Variants in RNFT2 observed in about 807,000 individuals in gnomAD.
RNFT2 encodes E3 ubiquitin-protein ligase RNFT2.
In RNFT2, 36 loss-of-function variants were observed where a neutral mutation model predicts 53.0. The ratio of observed to expected loss-of-function variants is 0.68; its 90% CI spans 0.52 to 0.90. RNFT2 has a LOEUF of 0.90. Ranked by LOEUF, RNFT2 falls within the 40% of genes least tolerant of loss-of-function variation. The pLI, the probability that RNFT2 is intolerant of heterozygous loss-of-function variation, is 0.00. For synonymous variants in RNFT2, 260 were observed against 253.2 expected, an observed-to-expected ratio of 1.03 and a Z score of -0.26; for missense variants, 514 against 585.6, an observed-to-expected ratio of 0.88 and a Z score of 1.26.
intron 10 of RNFT2, among the ~76,000 whole-genome samples, chr12:116,842,244 A>G (rs1167149660): frequency 6.6e-6 from 1 of 151,948 alleles, no homozygotes; most frequent in African/African-American, 2.4e-5. Context: ...TAATCCCAGA[A>G]GGGACACCCC....
At chr12:116,761,428 G>A (rs1051190410) in intron 5 of RNFT2, among the ~76,000 whole-genome samples, 33 of 152,278 alleles carry the variant, frequency 2.2e-4, no homozygotes, top group African/African-American at 6.5e-4. Context: ...GTTTACAGGC[G>A]TGAGCCACCA....
intron 7 of RNFT2, among the ~76,000 whole-genome samples, chr12:116,806,428 A>AGATT (rs1555207597): frequency 1.5e-4 from 23 of 151,460 alleles, no homozygotes; most frequent in African/African-American, 1.9e-4. Context: ...ATAGATAGAT[A>AGATT]GATTCATCTA....
At chr12:116,814,738 G>A (rs866549532) in intron 7 of RNFT2, among the ~76,000 whole-genome samples, 1 of 151,986 alleles carries the variant, frequency 6.6e-6, no homozygotes, top group Non-Finnish European at 1.5e-5. Context: ...GTGTGCAGTG[G>A]TGCAATCTCG....
intron 7 of RNFT2, among the ~76,000 whole-genome samples, chr12:116,801,836 T>G (rs7960629): frequency 0.035 from 5,263 of 149,866 alleles, 301 homozygotes; most frequent in African/African-American, 0.12. Context: ...TTGTTTGTTT[T>G]TTTGAGACAG....
chr12:116,757,799 G>A (rs773875655), intron 5 of RNFT2, among the ~76,000 whole-genome samples: 14 of 152,172 alleles, frequency 9.2e-5, no homozygotes, highest in East Asian at 1.9e-4. Context: ...TGTATTCTGC[G>A]GTTGTCAGAT....
chr12:116,768,565 T>C (rs1873024053), intron 6 of RNFT2, among the ~76,000 whole-genome samples: 1 of 152,186 alleles, frequency 6.6e-6, no homozygotes, highest in Non-Finnish European at 1.5e-5. Context: ...GCCTTACTCA[T>C]GTATTTGTGG....
At chr12:116,818,793 C>G (rs1565869447) in intron 7 of RNFT2, among the ~76,000 whole-genome samples, 1 of 152,194 alleles carries the variant, frequency 6.6e-6, no homozygotes, top group Non-Finnish European at 1.5e-5. Context: ...GTGTTCTCAT[C>G]TGTAAAATGG....
intron 10 of RNFT2, among the ~76,000 whole-genome samples, chr12:116,837,629 T>C (rs914544886): frequency 6.6e-6 from 1 of 152,146 alleles, no homozygotes; most frequent in Non-Finnish European, 1.5e-5. Flanking sequence ...TGAATCAACA[T>C]TCAAAAAGAA....
chr12:116,830,637 G>T (rs574628291), intron 7 of RNFT2, among the ~76,000 whole-genome samples: 1 of 152,090 alleles, frequency 6.6e-6, no homozygotes, highest in East Asian at 1.9e-4. Flanking sequence ...GGGCGCGGTC[G>T]CTCACACCTG....
In RNFT2 at chr12:116,852,047, G is replaced by C; in HGVS notation, c.*2599G>C. The C allele has an allele frequency of 2.5e-6, 3 of 1,199,736 alleles. No individual in the cohort carries two copies. The highest frequency in any genetic ancestry group is 5.1e-5 in the East Asian group (2 of 38,870). The allele number at this position is 1,199,736 out of a possible 1,614,324, so 74.3% of individuals were successfully genotyped here. A position where few individuals can be genotyped will look rare whatever the true frequency, so the allele number is the denominator to read the frequency against. ...CTGTGCTTCTGTGATCTCTATGACAGAGCCACTTCTCCACCTCTGAAATGT... is the reference window on the plus strand; with the variant it reads ...CTGTGCTTCTGTGATCTCTATGACACAGCCACTTCTCCACCTCTGAAATGT... On this transcript the variant is annotated 3_prime_UTR_variant, in exon 11 of 11. Transcript: ENST00000257575.
chr12:116,767,484 G>T (rs1438297009), intron 6 of RNFT2, among the ~76,000 whole-genome samples: 11 of 152,152 alleles, frequency 7.2e-5, no homozygotes, highest in Admixed American at 7.2e-4. Flanking sequence ...CTCCCAAAGT[G>T]CTGGGATTGA....
At chr12:116,828,043 AG>A (rs1212294919) in intron 7 of RNFT2, among the ~76,000 whole-genome samples, 1 of 152,154 alleles carries the variant, frequency 6.6e-6, no homozygotes, top group Non-Finnish European at 1.5e-5. Context: ...CCAGAGACAC[AG>A]GGACGTTTCA....
chr12:116,831,992 G>T (rs1041589387), intron 7 of RNFT2, among the ~76,000 whole-genome samples: 2 of 151,322 alleles, frequency 1.3e-5, no homozygotes, highest in African/African-American at 4.9e-5. Flanking sequence ...TTAGCCAGGC[G>T]TGGTGGTGTG....
At chr12:116,789,389 A>C (rs143723292) in intron 7 of RNFT2, among the ~76,000 whole-genome samples, 2 of 143,118 alleles carry the variant, frequency 1.4e-5, no homozygotes, top group Non-Finnish European at 3.0e-5. Context: ...GAGTAGATGG[A>C]TAGATGAGTG....
chr12:116,819,725 CTT>C (rs1277081163), intron 7 of RNFT2, among the ~76,000 whole-genome samples: 3 of 152,220 alleles, frequency 2.0e-5, no homozygotes, highest in Admixed American at 2.0e-4. Context: ...TCGCCCTTCT[CTT>C]GCCTTTTTTC....
chr12:116,755,790 T>C (rs1322616546), intron 5 of RNFT2: 4 of 1,534,334 alleles, frequency 2.6e-6, no homozygotes, highest in East Asian at 4.5e-5. Context: ...CACATATACA[T>C]GGCCAAAGGA....
chr12:116,774,997 C>T (rs112633758), intron 6 of RNFT2, among the ~76,000 whole-genome samples: 3,704 of 151,998 alleles, frequency 0.024, 67 homozygotes, highest in Non-Finnish European at 0.036. Context: ...TGCGGTGGCT[C>T]ACGCCTGTAA....
At chr12:116,817,313 T>G (rs1875737361) in intron 7 of RNFT2, among the ~76,000 whole-genome samples, 1 of 152,010 alleles carries the variant, frequency 6.6e-6, no homozygotes, top group South Asian at 2.1e-4. Context: ...GCACCTGGCC[T>G]GTTTTTATTT....
chr12:116,754,564 C>G (rs1396060710), intron 5 of RNFT2, among the ~76,000 whole-genome samples: 3 of 152,200 alleles, frequency 2.0e-5, no homozygotes, highest in African/African-American at 7.2e-5. Flanking sequence ...ATCTCTCACA[C>G]TGTTTTTCAT....
Sources: allele counts gnomAD v4.1 joint callset (sites outside exome capture counted in the v4.1 genomes callset), GRCh38; gene constraint gnomAD v4.1.1; transcripts MANE v1.5; gene names NCBI Gene and HGNC (gene_info 2026-07-23, HGNC 2026-07-21).